Variants in ZMAT4 observed in about 807,000 individuals in gnomAD.
The protein encoded by ZMAT4 is zinc finger matrin-type protein 4.
ZMAT4 carries 17 observed loss-of-function variants against 28.7 expected under a neutral mutation model. The observed-to-expected ratio is 0.59, with a 90% CI of 0.41 to 0.89. The LOEUF (loss-of-function observed/expected upper bound fraction) is 0.89. Ranked by LOEUF, ZMAT4 falls within the 40% of genes least tolerant of loss-of-function variation. The pLI, the probability that ZMAT4 is intolerant of heterozygous loss-of-function variation, is 0.00. For missense variants in ZMAT4, 240 were observed against 283.8 expected (o/e 0.85, Z 1.11); for synonymous variants, 117 against 109.2 (o/e 1.07, Z -0.44).
chr8:40,799,620 A>G (rs1476980622), intron 2 of ZMAT4, among the ~76,000 whole-genome samples: 8 of 152,254 alleles, frequency 5.3e-5, no homozygotes, highest in Admixed American at 5.2e-4. Context: ...AAAAGGTCAG[A>G]AACTCAGATC....
chr8:40,812,935 A>AAAATAAAATAAAATTAAATTAAATT (rs1254447514), intron 2 of ZMAT4, among the ~76,000 whole-genome samples: 1 of 78,042 alleles, frequency 1.3e-5, no homozygotes, highest in Non-Finnish European at 3.2e-5. Context: ...CTCCATCTCA[A>AAAATAAAATAAAATTAAATTAAATT]AAATTAAATT....
intron 5 of ZMAT4, among the ~76,000 whole-genome samples, chr8:40,598,355 G>T (rs1371827101): frequency 6.6e-6 from 1 of 152,038 alleles, no homozygotes; most frequent in Non-Finnish European, 1.5e-5. Flanking sequence ...TAATGCTCTC[G>T]CTTCCCTCAC....
chr8:40,711,489 C>T (rs867910304), intron 3 of ZMAT4, among the ~76,000 whole-genome samples: 16 of 152,156 alleles, frequency 1.1e-4, no homozygotes, highest in African/African-American at 3.6e-4. Context: ...TCTCTGAAAC[C>T]ATCTGCCAAT....
intron 6 of ZMAT4, among the ~76,000 whole-genome samples, chr8:40,570,043 A>G (rs1023356704): frequency 6.6e-6 from 1 of 152,216 alleles, no homozygotes; most frequent in Non-Finnish European, 1.5e-5. Context: ...TGTTTTGTTC[A>G]AATCCACAAA....
chr8:40,819,684 G>T (rs1815678209), intron 2 of ZMAT4, among the ~76,000 whole-genome samples: 1 of 152,092 alleles, frequency 6.6e-6, no homozygotes, highest in Non-Finnish European at 1.5e-5. Context: ...CAACACAAGG[G>T]TTATTAGGGT....
At chr8:40,732,573 A>G (rs549319345) in intron 3 of ZMAT4, among the ~76,000 whole-genome samples, 1 of 152,356 alleles carries the variant, frequency 6.6e-6, no homozygotes, top group African/African-American at 2.4e-5. Flanking sequence ...AGTGGCAGCT[A>G]AATTACCAAG....
intron 2 of ZMAT4, 122 bp from the exon 3 acceptor site, chr8:40,767,852 C>T (rs1052526379): frequency 1.4e-6 from 1 of 725,926 alleles, no homozygotes; most frequent in Non-Finnish European, 2.2e-6. Context: ...CTTCTGCATA[C>T]TCCTGTGAGG....
intron 6 of ZMAT4, among the ~76,000 whole-genome samples, chr8:40,567,922 T>C (rs1171555553): frequency 6.6e-6 from 1 of 152,126 alleles, no homozygotes; most frequent in East Asian, 1.9e-4. Context: ...TTAGCCAGAA[T>C]ATACTATCAG....
At chr8:40,853,108 C>G (rs1235392506) in intron 1 of ZMAT4, among the ~76,000 whole-genome samples, 1 of 152,098 alleles carries the variant, frequency 6.6e-6, no homozygotes, top group Non-Finnish European at 1.5e-5. Flanking sequence ...GAAAATGGCT[C>G]TAGGTCATTT....
intron 3 of ZMAT4, among the ~76,000 whole-genome samples, chr8:40,746,279 TTC>T (rs1812220905): frequency 7.6e-6 from 1 of 131,642 alleles, no homozygotes; most frequent in Non-Finnish European, 1.7e-5. Flanking sequence ...CTTCCTTTCT[TTC>T]TTTCTTTTCT....
intron 2 of ZMAT4, among the ~76,000 whole-genome samples, chr8:40,824,311 G>A (rs1208115671): frequency 1.3e-5 from 2 of 152,208 alleles, no homozygotes; most frequent in Admixed American, 6.5e-5. Context: ...TGAGTGCAGT[G>A]GCATGTGCCT....
chr8:40,844,138 T>C (rs1481098117), intron 1 of ZMAT4, among the ~76,000 whole-genome samples: 1 of 152,136 alleles, frequency 6.6e-6, no homozygotes, highest in Non-Finnish European at 1.5e-5. Flanking sequence ...GAGAATATTG[T>C]TTTTTTCTAA....
chr8:40,669,307 C>A (rs1808571635), intron 5 of ZMAT4, among the ~76,000 whole-genome samples: 2 of 151,870 alleles, frequency 1.3e-5, no homozygotes, highest in Non-Finnish European at 2.9e-5. Flanking sequence ...TGACATGGGC[C>A]CTTATATGAT....
At chr8:40,669,577 T>C (rs989644836) in intron 5 of ZMAT4, among the ~76,000 whole-genome samples, 12 of 152,126 alleles carry the variant, frequency 7.9e-5, no homozygotes, top group Non-Finnish European at 1.2e-4. Context: ...ACTTAACATA[T>C]AGTAAATATA....
intron 3 of ZMAT4, among the ~76,000 whole-genome samples, chr8:40,723,183 G>A (rs57504215): frequency 0.15 from 22,584 of 152,120 alleles, 2,390 homozygotes; most frequent in East Asian, 0.38. Context: ...AGGGAAGAAA[G>A]GGATAGGAGA....
chr8:40,767,694 T>C lies in ZMAT4; in HGVS notation c.139A>G (p.Met47Val). The C allele has an allele frequency of 2.5e-6, 4 of 1,613,102 alleles. No homozygotes were observed. The highest frequency in any genetic ancestry group is 1.3e-5 in the African/African-American group (1 of 74,980). Residue 47 changes from methionine (M) to valine (V), a missense_variant, in exon 3 of 7, where the codon ATG (methionine) becomes GTG (valine). By Grantham distance (21) the Met-to-Val change is conservative (BLOSUM62 1). Transcript: ENST00000297737. ...CACCCTCCATCCCTGGGGTGAAGCA[T>C]GTAATACAGTCGGACTTTGCTTGCA... The part of the protein sequence containing the change: ...KHASKVRLYY[M>V]LHPRDGGCPA...
intron 3 of ZMAT4, among the ~76,000 whole-genome samples, chr8:40,761,852 C>A (rs2150556584): frequency 6.6e-6 from 1 of 152,328 alleles, no homozygotes; most frequent in African/African-American, 2.4e-5. Context: ...TATCTTGAGT[C>A]CCTTAACAAC....
chr8:40,721,319 T>A (rs1225920846), intron 3 of ZMAT4, among the ~76,000 whole-genome samples: 12 of 128,848 alleles, frequency 9.3e-5, no homozygotes, highest in Non-Finnish European at 1.6e-4. Flanking sequence ...CATCATTTTT[T>A]ATGGCTGCAT....
chr8:40,811,218 G>T (rs78612060), intron 2 of ZMAT4, among the ~76,000 whole-genome samples: 4,250 of 152,318 alleles, frequency 0.028, 100 homozygotes, highest in South Asian at 0.045. Context: ...GACAAATTCA[G>T]TTTGGAGGTA....
Sources: gnomAD v4.1 joint callset for allele counts (sites outside exome capture counted in the v4.1 genomes callset) on GRCh38, gnomAD v4.1.1 for gene constraint, MANE v1.5 for transcripts, NCBI Gene and HGNC (gene_info 2026-07-23, HGNC 2026-07-21) for gene names.